The following TBC1D4 variants were observed in gnomAD, a reference collection of about 807,000 sequenced individuals.
TBC1D4 encodes TBC1 domain family member 4.
A neutral mutation model predicts 142.5 loss-of-function variants in TBC1D4; 121 were observed. The ratio of observed to expected loss-of-function variants is 0.85; its 90% CI spans 0.73 to 0.99. The LOEUF is 0.99. Ranked by LOEUF, TBC1D4 falls within the 50% of genes least tolerant of loss-of-function variation. TBC1D4 has a pLI of 0.00. For synonymous variants in TBC1D4, 630 were observed against 628.2 expected (o/e 1.00, Z -0.04); for missense variants, 1,475 against 1,606.6 (o/e 0.92, Z 1.40).
At chr13:75,443,803 A>G (rs77596940) in intron 1 of TBC1D4, among the ~76,000 whole-genome samples, 10 of 152,318 alleles carry the variant, frequency 6.6e-5, no homozygotes, top group African/African-American at 2.4e-4. Context: ...AGGAAAAGCC[A>G]AGGTGAATGT....
chr13:75,364,021 A>G (rs55641484), intron 1 of TBC1D4, among the ~76,000 whole-genome samples: 1 of 152,312 alleles, frequency 6.6e-6, no homozygotes, highest in African/African-American at 2.4e-5. Flanking sequence ...TGAGACATCA[A>G]TCAGTATATG....
At chr13:75,409,041 G>GCACACACA (rs138532626) in intron 1 of TBC1D4, among the ~76,000 whole-genome samples, 9 of 150,632 alleles carry the variant, frequency 6.0e-5, no homozygotes, top group Non-Finnish European at 7.4e-5. Context: ...ATACACACAC[G>GCACACACA]CACACACACA....
At chr13:75,299,726 C>T in intron 16 of TBC1D4, 152 bp from the exon 17 acceptor site, 1 of 943,932 alleles carries the variant, frequency 1.1e-6, no homozygotes, top group Non-Finnish European at 1.6e-6. Flanking sequence ...CTAAGAGTCT[C>T]TCCCTCTCTC....
intron 5 of TBC1D4, among the ~76,000 whole-genome samples, chr13:75,348,072 T>C (rs936282869): frequency 1.3e-4 from 20 of 152,070 alleles, no homozygotes; most frequent in Non-Finnish European, 8.8e-5. Flanking sequence ...AGCTGGTAGG[T>C]AGAGGCTGCA....
At chr13:75,356,931 A>C (rs1221869510) in intron 3 of TBC1D4, among the ~76,000 whole-genome samples, 6 of 152,204 alleles carry the variant, frequency 3.9e-5, no homozygotes, top group African/African-American at 1.4e-4. Context: ...ACAACACCTT[A>C]ATAGCAAGCA....
chr13:75,434,204 T>C (rs1886698406), intron 1 of TBC1D4, among the ~76,000 whole-genome samples: 1 of 152,100 alleles, frequency 6.6e-6, no homozygotes, highest in Non-Finnish European at 1.5e-5. Context: ...CAAAGACACA[T>C]GCAGGCAATG....
At chr13:75,417,116 G>A (rs879608261) in intron 1 of TBC1D4, among the ~76,000 whole-genome samples, 6 of 152,046 alleles carry the variant, frequency 3.9e-5, no homozygotes, top group Non-Finnish European at 4.4e-5. Flanking sequence ...CCCACCCATC[G>A]TCTTCTGTTC....
intron 3 of TBC1D4, among the ~76,000 whole-genome samples, chr13:75,356,928 C>G (rs1882101741): frequency 6.6e-6 from 1 of 152,036 alleles, no homozygotes; most frequent in Non-Finnish European, 1.5e-5. Context: ...TAGACAACAC[C>G]TTAATAGCAA....
At chr13:75,349,467 G>A (rs938770522) in intron 4 of TBC1D4, among the ~76,000 whole-genome samples, 165 bp from the exon 5 acceptor site, 5 of 152,184 alleles carry the variant, frequency 3.3e-5, no homozygotes, top group South Asian at 2.1e-4. Context: ...GGAGTTAGAC[G>A]TTTCATACAT....
intron 1 of TBC1D4, among the ~76,000 whole-genome samples, chr13:75,396,983 T>C (rs1161425587): frequency 6.6e-6 from 1 of 152,000 alleles, no homozygotes; most frequent in Non-Finnish European, 1.5e-5. Flanking sequence ...ATCTAAGAAA[T>C]AGAGAATCCA....
rs1235703759 is a variant in TBC1D4 at position 75,334,471 on chromosome 13, ATAT to A, written c.1731+2447_1731+2449del. 1.0e-4 allele frequency among the ~76,000 whole-genome samples: 7 copies of A among 66,946 alleles called. No homozygotes were observed. In the East Asian group the frequency reaches 2.2e-3, roughly 21 times the overall value. 43.9% of individuals were successfully genotyped at this position (66,946 alleles called of 152,430 possible). A position where few individuals can be genotyped will look rare whatever the true frequency, so the allele number is the denominator to read the frequency against. ...ATATTTCTATATGATTGTATATATA[ATAT>A]GTCTATATTTACATGTATATAAAAT... On this transcript the variant is annotated intron_variant, in intron 8 of 20. Coordinates refer to ENST00000377636, the MANE Select transcript of TBC1D4 (RefSeq NM_014832.5).
rs1888868464 is a variant in TBC1D4 at position 75,481,436 on chromosome 13, T to C, written c.332A>G (p.Gln111Arg). 1 of 1,613,814 alleles carries C rather than the reference T, an allele frequency of 6.2e-7. No individual in the cohort carries two copies. Among genetic ancestry groups the C allele is most frequent in the African/African-American group, 1.3e-5 (1 of 75,030 alleles). Reference protein sequence around the residue: ...ASGGTSPSATQPNPAVFIFEH... With the variant: ...ASGGTSPSATRPNPAVFIFEH... The stretch of plus-strand genomic sequence containing the variant: ...GAAGATGAATACCGCCGGGTTGGGC[T>C]GCGTGGCCGACGGACTAGTGCCCCC... The change falls in exon 1 of 21, where the codon CAG becomes CGG. Residue 111 changes from glutamine to arginine, a missense_variant. Transcript: ENST00000377636.
intron 1 of TBC1D4, among the ~76,000 whole-genome samples, chr13:75,363,928 CA>C (rs1882738559): frequency 6.6e-6 from 1 of 152,180 alleles, no homozygotes; most frequent in African/African-American, 2.4e-5. Flanking sequence ...AGGGCATGAC[CA>C]TGACACAGCC....
At chr13:75,370,442 A>T (rs879861981) in intron 1 of TBC1D4, among the ~76,000 whole-genome samples, 4 of 152,202 alleles carry the variant, frequency 2.6e-5, no homozygotes, top group Admixed American at 2.0e-4. Context: ...TGTCTACTGC[A>T]CTCATCCAGG....
At chr13:75,431,092 A>G (rs1227263686) in intron 1 of TBC1D4, among the ~76,000 whole-genome samples, 1 of 152,236 alleles carries the variant, frequency 6.6e-6, no homozygotes, top group Non-Finnish European at 1.5e-5. Flanking sequence ...GAAATGAGGC[A>G]TCAATGGGCT....
At position 75,299,312 on chromosome 13, in the gene TBC1D4, GA is replaced by G; in HGVS notation, c.3156+17del. 6.2e-7 allele frequency: 1 copy of G among 1,613,604 alleles called. No individual in the cohort carries two copies. The highest frequency in any genetic ancestry group is 1.1e-5 in the South Asian group (1 of 91,042). ...GGTAATAGTCTCACACCTTCCTCGGGAAGCACAAGTGCCTCACCTGCAGCGA... is the reference window on the plus strand; with the variant it reads ...GGTAATAGTCTCACACCTTCCTCGGGAGCACAAGTGCCTCACCTGCAGCGA... On this transcript the variant is annotated intron_variant, in intron 17 of 20. Transcript: ENST00000377636.
intron 12 of TBC1D4, among the ~76,000 whole-genome samples, chr13:75,314,031 C>T (rs1318422946): frequency 2.0e-5 from 3 of 152,104 alleles, no homozygotes; most frequent in Admixed American, 1.3e-4. Flanking sequence ...TAAGAAAATG[C>T]TCCTCTATTG....
Position 75,326,406 on chromosome 13 carries a change from A to G in TBC1D4, c.1824T>C (p.Asp608=), listed in dbSNP as rs1879265971. The G allele has an allele frequency of 3.1e-6, 5 of 1,614,146 alleles. No individual in the cohort carries two copies. The East Asian group carries it at 1.1e-4, about 36-fold the overall frequency. ...LASEKDYSPG[D]SPPGTPPASP... The stretch of plus-strand genomic sequence containing the variant: ...ACGCTGGCGGTGTCCCTGGTGGAGA[A>G]TCCCCTGGTGAGTAGTCCTGAAACA... The change falls in exon 10 of 21, where the codon GAT becomes GAC. Residue 608 remains aspartate, a synonymous_variant. Transcript: ENST00000377636.
chr13:75,479,749 G>A (rs1888757356), intron 1 of TBC1D4, among the ~76,000 whole-genome samples: 1 of 152,134 alleles, frequency 6.6e-6, no homozygotes, highest in African/African-American at 2.4e-5. Context: ...TTTAACATAT[G>A]TGAAAGCTAA....
Sources: gnomAD v4.1 joint callset for allele counts (sites outside exome capture counted in the v4.1 genomes callset) on GRCh38, gnomAD v4.1.1 for gene constraint, MANE v1.5 for transcripts, NCBI Gene and HGNC (gene_info 2026-07-23, HGNC 2026-07-21) for gene names.